Variants in GUCY1A2 observed in about 807,000 individuals in gnomAD.
GUCY1A2 encodes guanylate cyclase 1 soluble subunit alpha 2.
In GUCY1A2, 27 loss-of-function variants were observed where a neutral mutation model predicts 63.5. The ratio of observed to expected loss-of-function variants is 0.43; its 90% CI spans 0.31 to 0.59. The LOEUF is 0.59. GUCY1A2 is among the 20% of genes least tolerant of loss of function. The pLI, the probability that GUCY1A2 is intolerant of heterozygous loss-of-function variation, is 0.11. For synonymous variants in GUCY1A2, 364 were observed against 343.5 expected, an observed-to-expected ratio of 1.06 and a Z score of -0.66; for missense variants, 768 against 913.3, an observed-to-expected ratio of 0.84 and a Z score of 2.05.
At chr11:106,781,791 C>T (rs1431976425) in intron 5 of GUCY1A2, among the ~76,000 whole-genome samples, 1 of 151,544 alleles carries the variant, frequency 6.6e-6, no homozygotes, top group Non-Finnish European at 1.5e-5. Context: ...TAGTCTCGAA[C>T]TCCTGGGCTC....
At chr11:106,872,501 A>G (rs1349203333) in intron 4 of GUCY1A2, among the ~76,000 whole-genome samples, 1 of 152,186 alleles carries the variant, frequency 6.6e-6, no homozygotes, top group East Asian at 1.9e-4. Flanking sequence ...TCTGAAGACT[A>G]GAAGATAAGG....
At chr11:106,760,145 ACAGTGAGACAACAAATTTC>A (rs1336517061) in intron 6 of GUCY1A2, among the ~76,000 whole-genome samples, 7 of 152,220 alleles carry the variant, frequency 4.6e-5, no homozygotes, top group African/African-American at 1.2e-4. Context: ...AGCCTCCAGA[ACAGTGAGACAACAAATTTC>A]TGTTGTTCTA....
chr11:106,737,117 A>T (rs1457091324), intron 6 of GUCY1A2, among the ~76,000 whole-genome samples: 1 of 152,164 alleles, frequency 6.6e-6, no homozygotes. Context: ...TTCATTGTAG[A>T]CGCACATTTT....
chr11:106,709,690 TAC>T (rs1863042404), intron 6 of GUCY1A2, among the ~76,000 whole-genome samples: 1 of 123,266 alleles, frequency 8.1e-6, no homozygotes, highest in Non-Finnish European at 1.6e-5. Context: ...ATATATTATA[TAC>T]ACGTATAGAA....
chr11:106,688,235 T>C (rs930451671), intron 7 of GUCY1A2, among the ~76,000 whole-genome samples: 3 of 152,188 alleles, frequency 2.0e-5, no homozygotes, highest in Admixed American at 1.3e-4. Flanking sequence ...AATCAAGTAT[T>C]TAACTTTGTA....
rs566368811 is a variant in GUCY1A2, at chr11:106,912,531, T to C, written c.1206+26929A>G. Among the ~76,000 whole-genome samples, 3 of 152,208 alleles carry C rather than the reference T, an allele frequency of 2.0e-5. No individual in the cohort carries two copies. In the South Asian group the frequency reaches 6.2e-4, roughly 32 times the overall value. The stretch of plus-strand genomic sequence containing the variant: ...TATAAATCTCTATTCTGTAGTATCT[T>C]CCATCTACAGACACTCACGACTAAA... On this transcript the variant is annotated intron_variant, in intron 4 of 7. Coordinates refer to ENST00000526355, the MANE Select transcript of GUCY1A2 (RefSeq NM_000855.3).
intron 6 of GUCY1A2, among the ~76,000 whole-genome samples, chr11:106,744,250 T>TTC (rs1338401335): frequency 6.8e-6 from 1 of 147,114 alleles, no homozygotes; most frequent in Admixed American, 6.7e-5. Context: ...AATGCTTTTT[T>TTC]TTTTTTTTTT....
At chr11:106,723,500 C>A (rs549117182) in intron 6 of GUCY1A2, among the ~76,000 whole-genome samples, 2 of 152,298 alleles carry the variant, frequency 1.3e-5, no homozygotes, top group East Asian at 3.9e-4. Flanking sequence ...CCCACCAGAA[C>A]CTTCCTGGTA....
chr11:106,745,235 T>C (rs1216443994), intron 6 of GUCY1A2, among the ~76,000 whole-genome samples: 1 of 152,208 alleles, frequency 6.6e-6, no homozygotes, highest in African/African-American at 2.4e-5. Flanking sequence ...AATGGCATTC[T>C]ATATTTAAAA....
intron 5 of GUCY1A2, among the ~76,000 whole-genome samples, chr11:106,800,183 A>G (rs1864847841): frequency 6.6e-6 from 1 of 152,202 alleles, no homozygotes; most frequent in Admixed American, 6.5e-5. Flanking sequence ...CAAAACCACA[A>G]TGAGATACCA....
At chr11:106,977,844 G>A (rs1044928345) in intron 3 of GUCY1A2, among the ~76,000 whole-genome samples, 1 of 151,860 alleles carries the variant, frequency 6.6e-6, no homozygotes, top group Non-Finnish European at 1.5e-5. Flanking sequence ...TTCCTATCTG[G>A]GTCATAAAGA....
chr11:106,747,140 A>G (rs3763817), intron 6 of GUCY1A2, among the ~76,000 whole-genome samples: 47,843 of 151,850 alleles, frequency 0.32, 7,793 homozygotes, highest in Non-Finnish European at 0.34. Flanking sequence ...GGCGCCTGCC[A>G]CCATGCTCAG....
chr11:106,847,241 AATATAT>A (rs975195456), intron 4 of GUCY1A2, among the ~76,000 whole-genome samples: 10 of 143,568 alleles, frequency 7.0e-5, no homozygotes, highest in African/African-American at 2.3e-4. Context: ...CAAAAAAAAA[AATATAT>A]ATATATATAT....
intron 4 of GUCY1A2, among the ~76,000 whole-genome samples, chr11:106,930,172 G>T (rs530513312): frequency 6.6e-6 from 1 of 152,314 alleles, no homozygotes; most frequent in South Asian, 2.1e-4. Context: ...GAAGTCAGGA[G>T]AATGTGGTAG....
chr11:106,871,968 T>C (rs1390576473), intron 4 of GUCY1A2, among the ~76,000 whole-genome samples: 1 of 152,224 alleles, frequency 6.6e-6, no homozygotes, highest in Non-Finnish European at 1.5e-5. Context: ...ACGTGTGTTC[T>C]ATAGTGCTCT....
chr11:106,770,008 C>T lies in GUCY1A2; in HGVS notation c.1836+6431G>A, dbSNP rs779574823. Among the ~76,000 whole-genome samples the T allele has an allele frequency of 7.3e-5, 11 of 151,640 alleles. No individual in the cohort carries two copies. The South Asian group carries it at 1.5e-3, about 20-fold the overall frequency. ...TTTCACATCTGCATGTTCAACCAAC[C>T]GTGGATTGAAAATATGGCATTAAAA... On this transcript the variant is annotated intron_variant, in intron 6 of 7. Transcript: ENST00000526355.
At chr11:106,994,233 A>G (rs1234439186) in intron 1 of GUCY1A2, among the ~76,000 whole-genome samples, 2 of 152,216 alleles carry the variant, frequency 1.3e-5, no homozygotes, top group Admixed American at 6.5e-5. Flanking sequence ...ATAATTGATT[A>G]TACTTAACAT....
intron 4 of GUCY1A2, among the ~76,000 whole-genome samples, chr11:106,857,833 C>G (rs750479693): frequency 6.6e-6 from 1 of 151,978 alleles, no homozygotes; most frequent in South Asian, 2.1e-4. Flanking sequence ...AAAATATACA[C>G]GAGGATATGC....
At chr11:106,731,309 A>G (rs1591252131) in intron 6 of GUCY1A2, among the ~76,000 whole-genome samples, 1 of 152,336 alleles carries the variant, frequency 6.6e-6, no homozygotes, top group East Asian at 1.9e-4. Context: ...CAAAAGATGC[A>G]GAAAAGGCTT....
Sources: allele counts gnomAD v4.1 joint callset (sites outside exome capture counted in the v4.1 genomes callset), GRCh38; gene constraint gnomAD v4.1.1; transcripts MANE v1.5; gene names NCBI Gene and HGNC (gene_info 2026-07-23, HGNC 2026-07-21).